The following MTAP variants were observed in gnomAD, a reference collection of about 807,000 sequenced individuals.
MTAP encodes the protein S-methyl-5'-thioadenosine phosphorylase.
MTAP carries 33 observed loss-of-function variants against 33.6 expected under a neutral mutation model. That is an observed-to-expected ratio of 0.98 (90% CI 0.74 to 1.31). MTAP has a LOEUF of 1.31. Among genes scored for constraint, MTAP ranks in the 40% most tolerant of loss-of-function variants. The pLI, the probability that MTAP is intolerant of heterozygous loss-of-function variation, is 0.00. For synonymous variants in MTAP, 148 were observed against 125.7 expected, an observed-to-expected ratio of 1.18 and a Z score of -1.19; for missense variants, 367 against 360.0, an observed-to-expected ratio of 1.02 and a Z score of -0.16.
At chr9:21,822,302 T>C (rs1563834166) in intron 4 of MTAP, among the ~76,000 whole-genome samples, 1 of 152,224 alleles carries the variant, frequency 6.6e-6, no homozygotes, top group Non-Finnish European at 1.5e-5. Flanking sequence ...CTGCTTTAAA[T>C]GTGTCCCAGA....
chr9:21,915,058 T>TC (rs1413834244), intron 1 of MTAP, among the ~76,000 whole-genome samples: 1 of 111,714 alleles, frequency 9.0e-6, no homozygotes, highest in Non-Finnish European at 1.7e-5. Flanking sequence ...CTTCCTTCCT[T>TC]TCTTTCTTTC....
chr9:21,900,080 G>C (rs1818365205), intron 1 of MTAP, among the ~76,000 whole-genome samples: 1 of 152,058 alleles, frequency 6.6e-6, no homozygotes, highest in Non-Finnish European at 1.5e-5. Context: ...AAAAACCCTA[G>C]AAGAAAACCT....
intron 1 of MTAP, among the ~76,000 whole-genome samples, chr9:21,928,663 A>G (rs1818907209): frequency 6.6e-6 from 1 of 152,086 alleles, no homozygotes; most frequent in Admixed American, 6.6e-5. Flanking sequence ...ATGAAGTGGT[A>G]CCCTCACTTT....
chr9:21,882,467 G>A (rs747373730), intron 1 of MTAP, among the ~76,000 whole-genome samples: 1 of 151,904 alleles, frequency 6.6e-6, no homozygotes, highest in Non-Finnish European at 1.5e-5. Context: ...TGTTAGGATG[G>A]CAATATTCTT....
chr9:21,809,466 C>T (rs901788481), intron 1 of MTAP, among the ~76,000 whole-genome samples: 8 of 151,902 alleles, frequency 5.3e-5, no homozygotes, highest in South Asian at 2.1e-4. Context: ...GGTGAAACCC[C>T]GTCTCTACTA....
At chr9:21,870,659 A>C (rs551140837), downstream of MTAP, among the ~76,000 whole-genome samples, 46 of 151,986 alleles carry the variant, frequency 3.0e-4, no homozygotes, top group African/African-American at 1.1e-3. Flanking sequence ...ATATATCCAA[A>C]ATGTTATGGA....
At position 21,820,645 on chromosome 9, in the gene MTAP, A is replaced by G. The variant is rs1286135329; in HGVS notation, c.347+2443A>G. On this transcript the variant is annotated intron_variant, in intron 4 of 7. Transcript: ENST00000644715. ...GTTCATGGTTCCATATGAACTTTAA[A>G]GTAGTTTTTCCCAATTCTGTGAAGA... Among the ~76,000 whole-genome samples the G allele has an allele frequency of 2.0e-5, 3 of 152,226 alleles. No homozygotes were observed. In the East Asian group the frequency reaches 5.8e-4, roughly 29 times the overall value.
intron 4 of MTAP, among the ~76,000 whole-genome samples, chr9:21,834,611 A>G (rs532742906): frequency 6.6e-6 from 1 of 152,330 alleles, no homozygotes; most frequent in East Asian, 1.9e-4. Flanking sequence ...CAGCAATGGC[A>G]ATGGAGTCCT....
In MTAP at chr9:21,905,398, T is replaced by C. The variant is rs77052100; in HGVS notation, c.148-25610T>C. Among the ~76,000 whole-genome samples, 29 of 150,620 alleles carry C rather than the reference T, an allele frequency of 1.9e-4. No homozygotes were observed. The East Asian group carries it at 4.7e-3, about 25-fold the overall frequency. ...TCCCTGCCCCCCTCCCTGTATCAAA[T>C]AGACTGCAGTTTAAACATAAGGCAA... On this transcript the variant is annotated intron_variant, in intron 1 of 1. Coordinates refer to the MTAP transcript ENST00000577563.
intron 1 of MTAP, among the ~76,000 whole-genome samples, chr9:21,912,938 C>G (rs1818604936): frequency 6.6e-6 from 1 of 152,210 alleles, no homozygotes. Flanking sequence ...AGCAAAGTCT[C>G]AGGATACAAA....
intron 4 of MTAP, among the ~76,000 whole-genome samples, chr9:21,820,048 A>T (rs897174190): frequency 2.0e-5 from 3 of 152,094 alleles, no homozygotes; most frequent in African/African-American, 4.8e-5. Flanking sequence ...ATTAGCCCTT[A>T]GTCAGATGCG....
At chr9:21,869,288 C>T (rs982614339), downstream of MTAP, among the ~76,000 whole-genome samples, 1 of 152,156 alleles carries the variant, frequency 6.6e-6, no homozygotes, top group Non-Finnish European at 1.5e-5. Flanking sequence ...TCAGCACCAA[C>T]AAGATTCTCA....
At chr9:21,899,011 A>T (rs1587283744) in intron 1 of MTAP, among the ~76,000 whole-genome samples, 7 of 151,812 alleles carry the variant, frequency 4.6e-5, no homozygotes, top group African/African-American at 1.7e-4. Context: ...AGACCTGATA[A>T]AGAAAATGTG....
intron 4 of MTAP, among the ~76,000 whole-genome samples, chr9:21,834,043 G>A (rs1314681284): frequency 2.0e-5 from 3 of 151,700 alleles, no homozygotes; most frequent in Non-Finnish European, 4.4e-5. Context: ...ACATATCCCT[G>A]CTTGACAACC....
chr9:21,830,346 C>G (rs1002454357), intron 4 of MTAP, among the ~76,000 whole-genome samples: 1 of 152,154 alleles, frequency 6.6e-6, no homozygotes, highest in Non-Finnish European at 1.5e-5. Context: ...ATACCAAGAA[C>G]TTTGTCTAGG....
At chr9:21,833,635 A>G (rs1466907102) in intron 4 of MTAP, among the ~76,000 whole-genome samples, 1 of 152,206 alleles carries the variant, frequency 6.6e-6, no homozygotes, top group Non-Finnish European at 1.5e-5. Flanking sequence ...CCTTATGAGC[A>G]GCCGTTATTC....
intron 1 of MTAP, among the ~76,000 whole-genome samples, chr9:21,882,076 A>C (rs1818021294): frequency 6.6e-6 from 1 of 152,036 alleles, no homozygotes; most frequent in African/African-American, 2.4e-5. Flanking sequence ...CAACAGGTAT[A>C]GCATGCAAAT....
chr9:21,905,241 C>T lies in MTAP; in HGVS notation c.148-25767C>T, dbSNP rs981219709. Among the ~76,000 whole-genome samples, 3 of 151,928 alleles carry T rather than the reference C, an allele frequency of 2.0e-5. 1 individual carries two copies. Among genetic ancestry groups the T allele is most frequent in the Non-Finnish European group, 2.9e-5 (2 of 67,994 alleles). On this transcript the variant is annotated intron_variant, in intron 1 of 1. Transcript: ENST00000577563. The stretch of plus-strand genomic sequence containing the variant: ...GCATGAGTGCAAGGTTTTATTGAGT[C>T]GTGGAAGTAGCTCTCAGCAGATGGG...
At chr9:21,832,648 C>T (rs550196506) in intron 4 of MTAP, among the ~76,000 whole-genome samples, 5 of 152,118 alleles carry the variant, frequency 3.3e-5, no homozygotes, top group African/African-American at 9.7e-5. Flanking sequence ...TCCACTATTC[C>T]CCTGGATGAG....
Sources: allele counts gnomAD v4.1 joint callset (sites outside exome capture counted in the v4.1 genomes callset), GRCh38; gene constraint gnomAD v4.1.1; transcripts MANE v1.5; gene names NCBI Gene and HGNC (gene_info 2026-07-23, HGNC 2026-07-21).